Variants in ELAVL2 observed in about 807,000 individuals in gnomAD.
ELAVL2 encodes ELAV-like protein 2.
In ELAVL2, 4 loss-of-function variants were observed where a neutral mutation model predicts 34.6. The observed-to-expected ratio is 0.12, with a 90% CI of 0.06 to 0.26. The LOEUF is 0.26. ELAVL2 is among the 10% of genes least tolerant of loss of function. ELAVL2 has a pLI of 1.00. For synonymous variants in ELAVL2, 193 were observed against 154.8 expected (o/e 1.25, Z -1.83); for missense variants, 432 against 442.8 (o/e 0.98, Z 0.22).
chr9:23,827,486 T>C (rs912389023), upstream of ELAVL2, among the ~76,000 whole-genome samples: 1 of 152,218 alleles, frequency 6.6e-6, no homozygotes, highest in Admixed American at 6.5e-5. Flanking sequence ...CTTTTCAATC[T>C]TGAAAGATAG....
intron 1 of ELAVL2, among the ~76,000 whole-genome samples, chr9:23,820,639 A>G (rs2064454778): frequency 6.7e-6 from 1 of 148,480 alleles, no homozygotes; most frequent in Non-Finnish European, 1.5e-5. Flanking sequence ...ATGCCGTGAG[A>G]AAGACTGCTG....
intron 3 of ELAVL2, among the ~76,000 whole-genome samples, chr9:23,705,889 T>C (rs1272850163): frequency 1.3e-5 from 2 of 152,192 alleles, no homozygotes; most frequent in Non-Finnish European, 2.9e-5. Context: ...GGCCCAATCA[T>C]TCTAAGCTTA....
chr9:23,730,977 T>A (rs759435760), intron 3 of ELAVL2, 45 bp downstream of exon 3: 3 of 1,542,746 alleles, frequency 1.9e-6, no homozygotes, highest in Admixed American at 1.8e-5. Flanking sequence ...TTAATTTTTT[T>A]AAACTTCTGT....
In ELAVL2 at chr9:23,692,711, C is replaced by T. The variant is rs2033583688; in HGVS notation, c.926G>A (p.Arg309His). The change falls in exon 7 of 7, where the codon CGT becomes CAT. Residue 309 changes from arginine to histidine, a missense_variant. Transcript: ENST00000397312. ...FGAVTNVKVI[R>H]DFNTNKCKGF... ...TTTGCATTTATTGGTGTTAAAGTCA[C>T]GGATGACCTTCACATTGGTGACAGC... 3 of 1,614,186 alleles carry T rather than the reference C, an allele frequency of 1.9e-6. No individual in the cohort carries two copies. The highest frequency in any genetic ancestry group is 2.5e-6 in the Non-Finnish European group (3 of 1,180,016).
intron 2 of ELAVL2, among the ~76,000 whole-genome samples, chr9:23,744,868 T>C (rs1180855601): frequency 6.6e-6 from 1 of 152,136 alleles, no homozygotes; most frequent in Non-Finnish European, 1.5e-5. Flanking sequence ...CATTGTAATC[T>C]ATGACTTAAA....
At chr9:23,765,190 T>G in intron 1 of ELAVL2, 1 of 1,192,688 alleles carries the variant, frequency 8.4e-7, no homozygotes, top group South Asian at 1.5e-5. Context: ...ATTGTATTGA[T>G]ATTCCCAGCA....
chr9:23,816,211 G>A (rs2063680360), intron 1 of ELAVL2, among the ~76,000 whole-genome samples: 1 of 147,566 alleles, frequency 6.8e-6, no homozygotes, highest in Non-Finnish European at 1.5e-5. Context: ...ATTTTACAAT[G>A]ACTCTAAAGA....
chr9:23,756,594 T>C (rs1158500104), intron 2 of ELAVL2, among the ~76,000 whole-genome samples: 1 of 152,074 alleles, frequency 6.6e-6, no homozygotes, highest in African/African-American at 2.4e-5. Flanking sequence ...ACACGTGCTT[T>C]CAGCAACATA....
chr9:23,759,800 A>ATGT (rs2054544993), intron 2 of ELAVL2, among the ~76,000 whole-genome samples: 4 of 126,466 alleles, frequency 3.2e-5, no homozygotes, highest in African/African-American at 1.2e-4. Context: ...AATGTATAGA[A>ATGT]ACGTCTTACA....
intron 1 of ELAVL2, among the ~76,000 whole-genome samples, chr9:23,815,344 T>C (rs186473793): frequency 5.3e-5 from 8 of 152,174 alleles, no homozygotes; most frequent in African/African-American, 1.9e-4. Context: ...AGTCCCATCA[T>C]CATAGGTATA....
At chr9:23,821,984 G>T (rs898187626) in intron 1 of ELAVL2, 5 of 151,708 alleles carry the variant, frequency 3.3e-5, no homozygotes, top group African/African-American at 1.2e-4. Flanking sequence ...GGGAGATGCC[G>T]GGCTTCAGCA....
At chr9:23,842,247 C>T in the ELAVL2 span, among the ~76,000 whole-genome samples, 1 of 152,114 alleles carries the variant, frequency 6.6e-6, no homozygotes, top group Non-Finnish European at 1.5e-5. Flanking sequence ...GCTGTTGACT[C>T]TGACATTTTT....
At chr9:23,735,504 C>G (rs1012369009) in intron 2 of ELAVL2, 3 of 152,232 alleles carry the variant, frequency 2.0e-5, no homozygotes, top group African/African-American at 7.2e-5. Context: ...GTCTCGAACT[C>G]CTGGCTTCAA....
chr9:23,703,298 A>G (rs554217447), intron 4 of ELAVL2, among the ~76,000 whole-genome samples: 1 of 152,362 alleles, frequency 6.6e-6, no homozygotes, highest in South Asian at 2.1e-4. Flanking sequence ...CACAAATGAA[A>G]TAAAAAATAT....
chr9:23,819,600 A>G (rs756285032), intron 1 of ELAVL2, among the ~76,000 whole-genome samples: 1 of 152,172 alleles, frequency 6.6e-6, no homozygotes, highest in Non-Finnish European at 1.5e-5. Flanking sequence ...ACCTACAGAT[A>G]AGGAAGAGGG....
intron 1 of ELAVL2, among the ~76,000 whole-genome samples, chr9:23,788,796 A>G (rs1410557859): frequency 1.3e-5 from 2 of 152,168 alleles, no homozygotes; most frequent in Non-Finnish European, 2.9e-5. Flanking sequence ...TGGCTATACT[A>G]AGGGACTAAC....
intron 3 of ELAVL2, among the ~76,000 whole-genome samples, chr9:23,721,993 C>T (rs556167554): frequency 1.3e-5 from 2 of 152,186 alleles, no homozygotes; most frequent in Non-Finnish European, 1.5e-5. Flanking sequence ...ACCCATAGCC[C>T]CCGAATTGTT....
chr9:23,781,316 C>G (rs2059028402), intron 1 of ELAVL2, among the ~76,000 whole-genome samples: 1 of 152,120 alleles, frequency 6.6e-6, no homozygotes, highest in African/African-American at 2.4e-5. Context: ...TCACTGCAAC[C>G]TGAGAAATTC....
intron 2 of ELAVL2, among the ~76,000 whole-genome samples, chr9:23,741,500 C>A (rs967687783): frequency 3.3e-5 from 5 of 151,990 alleles, no homozygotes; most frequent in African/African-American, 1.2e-4. Flanking sequence ...TCCTTCTTCC[C>A]TCCCCTCTCA....
Sources: gnomAD v4.1 joint callset for allele counts (sites outside exome capture counted in the v4.1 genomes callset) on GRCh38, gnomAD v4.1.1 for gene constraint, MANE v1.5 for transcripts, NCBI Gene and HGNC (gene_info 2026-07-23, HGNC 2026-07-21) for gene names.